KCNJ10: variants seen among roughly 807,000 people sequenced by gnomAD.
KCNJ10 encodes ATP-sensitive inward rectifier potassium channel 10.
KCNJ10 carries 9 observed loss-of-function variants against 22.2 expected under a neutral mutation model. The ratio of observed to expected loss-of-function variants is 0.40; its 90% CI spans 0.24 to 0.71. The LOEUF is 0.71. Ranked by LOEUF, KCNJ10 falls within the 30% of genes least tolerant of loss-of-function variation. The pLI, the probability that KCNJ10 is intolerant of heterozygous loss-of-function variation, is 0.35. For synonymous variants in KCNJ10, 184 were observed against 187.3 expected, an observed-to-expected ratio of 0.98 and a Z score of 0.15; for missense variants, 337 against 482.7, an observed-to-expected ratio of 0.70 and a Z score of 2.83.
rs190882025 is a variant in KCNJ10 at position 160,052,174 on chromosome 1, G to C, written c.1-9642C>G. Reference sequence around the variant, plus strand: ...CCTTTTGATTGAGGGATCTGGAAATGAGATCAGAAAGGGAGGCAGATTCCT... The same window carrying C: ...CCTTTTGATTGAGGGATCTGGAAATCAGATCAGAAAGGGAGGCAGATTCCT... On this transcript the variant is annotated intron_variant, in intron 1 of 1. Transcript: ENST00000644903. Among the ~76,000 whole-genome samples, 7 of 152,314 alleles carry C rather than the reference G, an allele frequency of 4.6e-5. No homozygotes were observed. The East Asian group carries it at 1.4e-3, about 29-fold the overall frequency.
chr1:160,060,499 A>G (rs533069363), intron 1 of KCNJ10, among the ~76,000 whole-genome samples: 1 of 152,294 alleles, frequency 6.6e-6, no homozygotes, highest in South Asian at 2.1e-4. Context: ...AAGGAGAAGG[A>G]GTAGAAGGGC....
In KCNJ10 at chr1:160,053,317, G is replaced by C. The variant is rs1648948947; in HGVS notation, c.1-10785C>G. On this transcript the variant is annotated intron_variant, in intron 1 of 1. Transcript: ENST00000644903. ...GCGACCTTAGAGTCCTCCAGAAGGAGATCAGTTGCATTGGGATGAAAAAGA... is the reference window on the plus strand; with the variant it reads ...GCGACCTTAGAGTCCTCCAGAAGGACATCAGTTGCATTGGGATGAAAAAGA... Among the ~76,000 whole-genome samples, 3 of 152,190 alleles carry C rather than the reference G, an allele frequency of 2.0e-5. No homozygotes were observed. The South Asian group carries it at 6.2e-4, about 32-fold the overall frequency.
intron 1 of KCNJ10, among the ~76,000 whole-genome samples, chr1:160,050,308 T>TTC (rs1433501961): frequency 6.6e-6 from 1 of 151,326 alleles, no homozygotes; most frequent in East Asian, 1.9e-4. Flanking sequence ...TAATTTTTTT[T>TTC]TTTTTGTAGA....
intron 1 of KCNJ10, chr1:160,064,721 T>A (rs888953271): frequency 6.6e-6 from 1 of 152,244 alleles, no homozygotes; most frequent in African/African-American, 2.4e-5. Context: ...GTTGCCTATA[T>A]CTTTTTTATC....
chr1:160,045,114 G>A (rs1648712775), intron 1 of KCNJ10, among the ~76,000 whole-genome samples: 1 of 152,132 alleles, frequency 6.6e-6, no homozygotes, highest in African/African-American at 2.4e-5. Flanking sequence ...GGAGATTTTT[G>A]ACAAGATCTC....
At position 160,040,806 on chromosome 1, in the gene KCNJ10, T is replaced by C; in HGVS notation, c.*587A>G. On this transcript the variant is annotated 3_prime_UTR_variant, in exon 2 of 2. Transcript: ENST00000644903. The stretch of plus-strand genomic sequence containing the variant: ...TACAGAGGGAAAACAGTGGCGACCA[T>C]GGTTCTAGCTTATGGTCAGAAGTCA... 1 of 390,054 alleles carries C rather than the reference T, an allele frequency of 2.6e-6. No individual in the cohort carries two copies. The highest frequency in any genetic ancestry group is 4.5e-6 in the Non-Finnish European group (1 of 220,204). 24.2% of individuals were successfully genotyped at this position (390,054 alleles called of 1,614,324 possible). A position where few individuals can be genotyped will look rare whatever the true frequency, so the allele number is the denominator to read the frequency against.
At position 160,057,674 on chromosome 1, in the gene KCNJ10, G is replaced by A. The variant is rs536841090; in HGVS notation, c.-1+12348C>T. On this transcript the variant is annotated intron_variant, in intron 1 of 1. Coordinates refer to ENST00000644903, the MANE Select transcript of KCNJ10 (RefSeq NM_002241.5). ...CAGGGCCCTGGAGATAATGTTCTTG[G>A]GCTGAAGGCTAATGAGTTGTCACCT... 2.6e-5 allele frequency among the ~76,000 whole-genome samples: 4 copies of A among 152,260 alleles called. No homozygotes were observed. In the South Asian group the frequency reaches 8.3e-4, roughly 32 times the overall value.
intron 1 of KCNJ10, among the ~76,000 whole-genome samples, chr1:160,057,658 G>A (rs1649073346): frequency 6.6e-6 from 1 of 152,158 alleles, no homozygotes; most frequent in South Asian, 2.1e-4. Context: ...CCAGGGCCCT[G>A]GAGATAATGT....
rs1200221766 is a variant in KCNJ10, at chr1:160,041,220, A to C, written c.*173T>G. 1 of 659,168 alleles carries C rather than the reference A, an allele frequency of 1.5e-6. No homozygotes were observed. The highest frequency in any genetic ancestry group is 2.7e-6 in the Non-Finnish European group (1 of 371,300). The allele number at this position is 659,168 out of a possible 1,614,324, so 40.8% of individuals were successfully genotyped here. A position where few individuals can be genotyped will look rare whatever the true frequency, so the allele number is the denominator to read the frequency against. Reference sequence around the variant, plus strand: ...GGGGAAGTGGAAAGGGGACAGTGGGAGGCGAACCTGGACTCCAGTTGGCCT... The same window carrying C: ...GGGGAAGTGGAAAGGGGACAGTGGGCGGCGAACCTGGACTCCAGTTGGCCT... On this transcript the variant is annotated 3_prime_UTR_variant, in exon 2 of 2. Transcript: ENST00000644903. The surrounding 1 kb of genome is among the most constrained non-coding windows in gnomAD (Gnocchi z 4.4).
chr1:160,055,070 C>T (rs1319243986), intron 1 of KCNJ10, among the ~76,000 whole-genome samples: 1 of 152,232 alleles, frequency 6.6e-6, no homozygotes, highest in Non-Finnish European at 1.5e-5. Flanking sequence ...ACAGCCCCTT[C>T]CCCGACTCCA....
chr1:160,059,527 C>G lies in KCNJ10; in HGVS notation c.-1+10495G>C, dbSNP rs903244629. 2.6e-4 allele frequency among the ~76,000 whole-genome samples: 39 copies of G among 152,294 alleles called. 1 individual carries two copies. The highest frequency in any genetic ancestry group is 2.2e-3 in the Admixed American group (33 of 15,308). Reference sequence around the variant, plus strand: ...GAGCATTATCCACAGAAACTCTTCCCCAGCCAACCACAGCCACAGCCACAG... The same window carrying G: ...GAGCATTATCCACAGAAACTCTTCCGCAGCCAACCACAGCCACAGCCACAG... On this transcript the variant is annotated intron_variant, in intron 1 of 1. Transcript: ENST00000644903.
At chr1:160,058,249 C>T (rs1649089271) in intron 1 of KCNJ10, among the ~76,000 whole-genome samples, 1 of 152,160 alleles carries the variant, frequency 6.6e-6, no homozygotes, top group Admixed American at 6.5e-5. Flanking sequence ...GAAGTTTCAA[C>T]GTTTGGACAC....
At position 160,037,978 on chromosome 1, in the gene KCNJ10, C is replaced by G. The variant is rs1479165440; in HGVS notation, c.*3415G>C. On this transcript the variant is annotated 3_prime_UTR_variant, in exon 2 of 2. Transcript: ENST00000644903. ...AGAAGCATCAAAACCAAAGCATCAC[C>G]CTCCATGCCCAAATGCCAGGATTGG... is the stretch of plus-strand genomic sequence containing the variant. 6.6e-6 allele frequency: 1 copy of G among 152,270 alleles called. No homozygotes were observed. Among genetic ancestry groups the G allele is most frequent in the Non-Finnish European group, 1.5e-5 (1 of 68,078 alleles). 9.4% of individuals were successfully genotyped at this position (152,270 alleles called of 1,614,324 possible).
intron 1 of KCNJ10, among the ~76,000 whole-genome samples, chr1:160,062,920 G>GCTA (rs1230882708): frequency 6.6e-6 from 1 of 152,158 alleles, no homozygotes; most frequent in African/African-American, 2.4e-5. Context: ...GGCTGAAGAA[G>GCTA]CTACTACAGG....
At chr1:160,064,312 G>A (rs1402978395) in intron 1 of KCNJ10, among the ~76,000 whole-genome samples, 1 of 152,150 alleles carries the variant, frequency 6.6e-6, no homozygotes, top group African/African-American at 2.4e-5. Context: ...TTATTTCACA[G>A]TGTTCAGTAG....
In KCNJ10 at chr1:160,066,868, G is replaced by T. The variant is rs952452687; in HGVS notation, c.-1+3154C>A. On this transcript the variant is annotated intron_variant, in intron 1 of 1. Coordinates refer to ENST00000644903, the MANE Select transcript of KCNJ10 (RefSeq NM_002241.5). Reference sequence around the variant, plus strand: ...GGTGGTTTTTGTTTTGTTTTGGTTGGTTTTTTTGGTCCAGAAAGTGGTCTC... The same window carrying T: ...GGTGGTTTTTGTTTTGTTTTGGTTGTTTTTTTTGGTCCAGAAAGTGGTCTC... Among the ~76,000 whole-genome samples, 8 of 152,234 alleles carry T rather than the reference G, an allele frequency of 5.3e-5. No homozygotes were observed. The East Asian group carries it at 5.8e-4, about 11-fold the overall frequency.
chr1:160,062,182 G>T (rs899875005), intron 1 of KCNJ10, among the ~76,000 whole-genome samples: 2 of 152,070 alleles, frequency 1.3e-5, no homozygotes, highest in South Asian at 4.1e-4. Context: ...GAGAGTGGGG[G>T]AGTCACCTCC....
At chr1:160,060,776 G>A (rs1178658772) in intron 1 of KCNJ10, among the ~76,000 whole-genome samples, 2 of 152,142 alleles carry the variant, frequency 1.3e-5, no homozygotes, top group East Asian at 3.9e-4. Flanking sequence ...AGAATAGCAG[G>A]TGAGCCGTAG....
intron 1 of KCNJ10, among the ~76,000 whole-genome samples, chr1:160,063,873 T>C (rs1474463425): frequency 6.6e-6 from 1 of 152,254 alleles, no homozygotes; most frequent in Non-Finnish European, 1.5e-5. Flanking sequence ...CTCACATCAT[T>C]GAGCTCTACG....
Sources: gnomAD v4.1 joint callset for allele counts (sites outside exome capture counted in the v4.1 genomes callset) on GRCh38, gnomAD v4.1.1 for gene constraint, Gnocchi (gnomAD v3.1) non-coding constraint, MANE v1.5 for transcripts, NCBI Gene and HGNC (gene_info 2026-07-23, HGNC 2026-07-21) for gene names.